The following EDEM2 variants were observed in gnomAD, a reference collection of about 807,000 sequenced individuals.
The protein encoded by EDEM2 is ER degradation-enhancing alpha-mannosidase-like protein 2.
Under a neutral mutation model 64.8 loss-of-function variants are expected in EDEM2, and 39 were observed. The ratio of observed to expected loss-of-function variants is 0.60; its 90% CI spans 0.47 to 0.79. The LOEUF (loss-of-function observed/expected upper bound fraction) is 0.79. Ranked by LOEUF, EDEM2 falls within the 30% of genes least tolerant of loss-of-function variation. EDEM2 has a pLI of 0.00. For synonymous variants in EDEM2, 296 were observed against 291.5 expected (o/e 1.02, Z -0.16); for missense variants, 609 against 731.3 (o/e 0.83, Z 1.93).
intron 6 of EDEM2, among the ~76,000 whole-genome samples, chr20:35,132,034 A>T (rs1268054369): frequency 1.3e-5 from 2 of 152,262 alleles, no homozygotes; most frequent in Non-Finnish European, 2.9e-5. Context: ...AAAATGAAAA[A>T]GAAAAATGAT....
At chr20:35,139,349 C>CA (rs57683623) in intron 4 of EDEM2, among the ~76,000 whole-genome samples, 4,938 of 89,214 alleles carry the variant, frequency 0.055, 464 homozygotes, top group African/African-American at 0.19. Context: ...GACTCCGTCT[C>CA]AAAAAAAAAA....
chr20:35,144,916 C>A, intron 3 of EDEM2, 63 bp downstream of exon 3: 1 of 1,569,492 alleles, frequency 6.4e-7, no homozygotes, highest in Non-Finnish European at 8.7e-7. Flanking sequence ...GTCACGCTGC[C>A]AAAAGAGGAA....
chr20:35,126,834 C>A (rs902821016), intron 7 of EDEM2, among the ~76,000 whole-genome samples: 1 of 152,114 alleles, frequency 6.6e-6, no homozygotes, highest in Non-Finnish European at 1.5e-5. Flanking sequence ...ATTGCTTGAA[C>A]CCAGGAGGCG....
chr20:35,120,225 A>C (rs1478707624), intron 9 of EDEM2, among the ~76,000 whole-genome samples: 1 of 152,054 alleles, frequency 6.6e-6, no homozygotes, highest in Non-Finnish European at 1.5e-5. Context: ...ACCAGCCCTG[A>C]CTAATTTTTG....
At chr20:35,126,705 G>A (rs2085437939) in intron 7 of EDEM2, among the ~76,000 whole-genome samples, 1 of 152,114 alleles carries the variant, frequency 6.6e-6, no homozygotes, top group East Asian at 1.9e-4. Context: ...CTGAGATTGG[G>A]AGTTCGAGAC....
chr20:35,131,909 G>A, intron 6 of EDEM2, 126 bp from the exon 7 acceptor site: 7 of 1,160,274 alleles, frequency 6.0e-6, no homozygotes, highest in Non-Finnish European at 8.4e-6. Context: ...TGGGAAACAT[G>A]CAGACCCTGA....
At position 35,145,030 on chromosome 20, in the gene EDEM2, C is replaced by A. The variant is rs149450640; in HGVS notation, c.219-12G>T. On this transcript the variant is annotated splice_polypyrimidine_tract_variant and intron_variant, in intron 2 of 10. Coordinates refer to ENST00000374492, the MANE Select transcript of EDEM2 (RefSeq NM_018217.3). ...GAGTCAGAGAAAAACTGCAAAAGGA[C>A]AGAAATCCCAGCCGCTTAGTAAGAA... 16 of 1,613,816 alleles carry A rather than the reference C, an allele frequency of 9.9e-6. No individual in the cohort carries two copies. In the African/African-American group the frequency reaches 1.6e-4, roughly 16 times the overall value.
chr20:35,144,006 TCAAA>T (rs1296199624), intron 3 of EDEM2, among the ~76,000 whole-genome samples: 1 of 152,056 alleles, frequency 6.6e-6, no homozygotes, highest in East Asian at 1.9e-4. Context: ...CCTCCCTGAC[TCAAA>T]CAATCCTCCT....
intron 6 of EDEM2, among the ~76,000 whole-genome samples, chr20:35,132,781 G>A (rs950866819): frequency 1.3e-5 from 2 of 152,028 alleles, no homozygotes; most frequent in African/African-American, 4.8e-5. Context: ...CAGGTGATAC[G>A]CCTGCCTTGG....
Position 35,134,825 on chromosome 20 carries a change from C to G in EDEM2, c.615G>C (p.Leu205=). The G allele has an allele frequency of 6.2e-7, 1 of 1,614,168 alleles. No individual in the cohort carries two copies. The change falls in exon 6 of 11, where the codon CTG becomes CTC. Residue 205 remains leucine, a synonymous_variant. Coordinates refer to ENST00000374492, the MANE Select transcript of EDEM2 (RefSeq NM_018217.3). ...ACACCGGGTCACCAGTGAGGCTGCT[C>G]AGGGTGGCAAATTCAACAATGAAGG... ...IGTFIVEFAT[L]SSLTGDPVFE...
intron 8 of EDEM2, among the ~76,000 whole-genome samples, chr20:35,126,020 C>A (rs2085428093): frequency 6.6e-6 from 1 of 152,188 alleles, no homozygotes; most frequent in Admixed American, 6.5e-5. Context: ...GCACTGTCGA[C>A]TTTAAGTACT....
chr20:35,131,642 C>G lies in EDEM2; in HGVS notation c.844G>C (p.Glu282Gln). ...QDKKLMAMFLEYNKAIRNYTR... is the reference protein window; with the variant it reads ...QDKKLMAMFLQYNKAIRNYTR... ...AGCTCCCTTACTCTGCCATTTTTAC[C>G]TAGGAACATGGCCATGAGCTTCTTA... Residue 282 changes from glutamate (E) to glutamine (Q), a missense_variant and splice_region_variant, in exon 7 of 11, where the codon GAG becomes CAG. Coordinates refer to ENST00000374492, the MANE Select transcript of EDEM2 (RefSeq NM_018217.3). 6.2e-7 allele frequency: 1 copy of G among 1,612,372 alleles called. No homozygotes were observed.
At chr20:35,140,832 C>T (rs1249343585) in intron 4 of EDEM2, among the ~76,000 whole-genome samples, 1 of 151,988 alleles carries the variant, frequency 6.6e-6, no homozygotes, top group Non-Finnish European at 1.5e-5. Context: ...AAGAAGATGG[C>T]ACAGGGCCAG....
chr20:35,142,940 T>C (rs1324053979), intron 3 of EDEM2, among the ~76,000 whole-genome samples: 1 of 152,146 alleles, frequency 6.6e-6, no homozygotes, highest in East Asian at 1.9e-4. Flanking sequence ...GTATTTTTAG[T>C]AGAGACGGGG....
At chr20:35,135,823 G>A (rs960468623) in intron 5 of EDEM2, among the ~76,000 whole-genome samples, 2 of 152,184 alleles carry the variant, frequency 1.3e-5, no homozygotes, top group Non-Finnish European at 2.9e-5. Flanking sequence ...AACCATGCCT[G>A]TAAAGAAGTA....
At chr20:35,142,004 C>T (rs953067195) in intron 4 of EDEM2, among the ~76,000 whole-genome samples, 2 of 152,184 alleles carry the variant, frequency 1.3e-5, no homozygotes, top group African/African-American at 4.8e-5. Context: ...CAAAACACAG[C>T]TATAAGACAT....
intron 10 of EDEM2, among the ~76,000 whole-genome samples, chr20:35,117,863 A>G (rs1421798256): frequency 6.6e-6 from 1 of 152,190 alleles, no homozygotes; most frequent in Non-Finnish European, 1.5e-5. Flanking sequence ...TCTAAAATAC[A>G]AATCAGATCA....
chr20:35,116,044 A>G, intron 10 of EDEM2, 111 bp from the exon 11 acceptor site: 4 of 1,194,428 alleles, frequency 3.3e-6, no homozygotes, highest in South Asian at 1.5e-5. Context: ...AGGGCCTGTG[A>G]GCAAATCACT....
At chr20:35,135,887 T>A (rs2085569341) in intron 5 of EDEM2, among the ~76,000 whole-genome samples, 1 of 151,974 alleles carries the variant, frequency 6.6e-6, no homozygotes, top group African/African-American at 2.4e-5. Flanking sequence ...TGGGAACGCC[T>A]CCCCTGTGCC....
Sources: allele counts gnomAD v4.1 joint callset (sites outside exome capture counted in the v4.1 genomes callset), GRCh38; gene constraint gnomAD v4.1.1; transcripts MANE v1.5; gene names NCBI Gene and HGNC (gene_info 2026-07-23, HGNC 2026-07-21).